The following MKLN1 variants were observed in gnomAD, a reference collection of about 807,000 sequenced individuals.
MKLN1 encodes the protein muskelin.
A neutral mutation model predicts 99.0 loss-of-function variants in MKLN1; 18 were observed. The ratio of observed to expected loss-of-function variants is 0.18; its 90% CI spans 0.13 to 0.27. The LOEUF (loss-of-function observed/expected upper bound fraction) is 0.27. MKLN1 is among the 10% of genes least tolerant of loss of function. MKLN1 has a pLI of 1.00. For missense variants in MKLN1, 621 were observed against 875.9 expected (o/e 0.71, Z 3.67); for synonymous variants, 288 against 293.2 (o/e 0.98, Z 0.18).
At chr7:131,405,437 G>A (rs1400268251) in intron 6 of MKLN1, among the ~76,000 whole-genome samples, 1 of 152,002 alleles carries the variant, frequency 6.6e-6, no homozygotes, top group Non-Finnish European at 1.5e-5. Context: ...CATCTTTTCT[G>A]TTATTTCCTG....
intron 1 of MKLN1, among the ~76,000 whole-genome samples, chr7:131,349,351 A>T (rs1799653342): frequency 6.6e-6 from 1 of 152,114 alleles, no homozygotes; most frequent in African/African-American, 2.4e-5. Context: ...GCGTGCCACC[A>T]CGCCCAGCTA....
intron 2 of MKLN1, among the ~76,000 whole-genome samples, chr7:131,386,434 C>T (rs914780580): frequency 1.3e-5 from 2 of 152,118 alleles, no homozygotes; most frequent in African/African-American, 4.8e-5. Context: ...CCTATATTAT[C>T]CAATATCGTG....
intron 10 of MKLN1, among the ~76,000 whole-genome samples, chr7:131,442,416 A>G (rs1480758626): frequency 6.6e-6 from 1 of 152,090 alleles, no homozygotes; most frequent in East Asian, 1.9e-4. Flanking sequence ...GCGTGGTGGC[A>G]TATGCTGGTA....
intron 3 of MKLN1, among the ~76,000 whole-genome samples, chr7:131,232,378 T>G (rs1460781084): frequency 6.6e-6 from 1 of 152,208 alleles, no homozygotes; most frequent in South Asian, 2.1e-4. Context: ...TTCCTTTTGA[T>G]TAGATTCTTG....
At chr7:131,251,258 G>A (rs1797574105) in intron 3 of MKLN1, among the ~76,000 whole-genome samples, 1 of 152,156 alleles carries the variant, frequency 6.6e-6, no homozygotes, top group Non-Finnish European at 1.5e-5. Context: ...TAATCATTAA[G>A]CAAGAAATCC....
intron 9 of MKLN1, among the ~76,000 whole-genome samples, chr7:131,429,828 C>A (rs1795472332): frequency 6.6e-6 from 1 of 152,222 alleles, no homozygotes; most frequent in African/African-American, 2.4e-5. Flanking sequence ...GATCCACCCG[C>A]CTCGGCCTCC....
chr7:131,428,112 C>T (rs1795411925), intron 8 of MKLN1, among the ~76,000 whole-genome samples: 1 of 151,970 alleles, frequency 6.6e-6, no homozygotes, highest in African/African-American at 2.4e-5. Context: ...CTGCAGTGAG[C>T]CATGATTGCA....
At chr7:131,372,525 A>G (rs538790509) in intron 1 of MKLN1, among the ~76,000 whole-genome samples, 14 of 152,186 alleles carry the variant, frequency 9.2e-5, no homozygotes, top group Non-Finnish European at 1.8e-4. Context: ...TTACATACAC[A>G]GTTAACTACT....
At chr7:131,221,219 G>T (rs1053099532) in intron 3 of MKLN1, among the ~76,000 whole-genome samples, 7 of 152,198 alleles carry the variant, frequency 4.6e-5, no homozygotes, top group African/African-American at 7.2e-5. Context: ...CCTGGAAAGG[G>T]CCTGCGGGGT....
At chr7:131,370,668 G>T (rs1253177422) in intron 1 of MKLN1, among the ~76,000 whole-genome samples, 1 of 152,106 alleles carries the variant, frequency 6.6e-6, no homozygotes, top group Non-Finnish European at 1.5e-5. Flanking sequence ...TCAGCAATTA[G>T]ATGGCTTCAA....
intron 3 of MKLN1, among the ~76,000 whole-genome samples, chr7:131,223,774 T>C (rs565495717): frequency 1.8e-4 from 27 of 152,060 alleles, no homozygotes; most frequent in Admixed American, 7.2e-4. Context: ...GTTGTTGTTT[T>C]TGTTTTTTTT....
At chr7:131,417,825 C>T (rs1045135634) in intron 8 of MKLN1, among the ~76,000 whole-genome samples, 2 of 152,028 alleles carry the variant, frequency 1.3e-5, no homozygotes, top group African/African-American at 2.4e-5. Flanking sequence ...AAAATATTGA[C>T]GTTAGTTACG....
chr7:131,325,467 A>C (rs1798866180), upstream of MKLN1, among the ~76,000 whole-genome samples: 1 of 152,136 alleles, frequency 6.6e-6, no homozygotes. Context: ...AGGCCGAGGC[A>C]GGAGGATCGC....
intron 1 of MKLN1, among the ~76,000 whole-genome samples, chr7:131,138,458 C>T (rs1795684430): frequency 6.6e-6 from 1 of 152,138 alleles, no homozygotes; most frequent in Non-Finnish European, 1.5e-5. Context: ...GCCTTGGTCT[C>T]TTTCATGCAT....
At chr7:131,479,215 ACT>A (rs1797051752) in intron 17 of MKLN1, among the ~76,000 whole-genome samples, 1 of 151,902 alleles carries the variant, frequency 6.6e-6, no homozygotes, top group South Asian at 2.1e-4. Flanking sequence ...ATTTAGTAAT[ACT>A]CTCTTTTAGT....
intron 1 of MKLN1, among the ~76,000 whole-genome samples, chr7:131,139,084 A>G (rs749032237): frequency 1.3e-5 from 2 of 152,050 alleles, no homozygotes; most frequent in African/African-American, 2.4e-5. Flanking sequence ...ATCACCCCCA[A>G]CCAGGCCCAG....
chr7:131,425,275 T>C (rs1207274718), intron 8 of MKLN1, among the ~76,000 whole-genome samples: 1 of 149,918 alleles, frequency 6.7e-6, no homozygotes, highest in Non-Finnish European at 1.5e-5. Flanking sequence ...TTCTTTTTAC[T>C]CTGTTTGAAA....
At chr7:131,194,572 C>T (rs1796614833) in intron 2 of MKLN1, among the ~76,000 whole-genome samples, 1 of 152,148 alleles carries the variant, frequency 6.6e-6, no homozygotes, top group Non-Finnish European at 1.5e-5. Flanking sequence ...ATACTTACGG[C>T]CAGAGAATAA....
chr7:131,413,097 CA>C (rs1166954455), intron 7 of MKLN1, among the ~76,000 whole-genome samples: 1 of 152,082 alleles, frequency 6.6e-6, no homozygotes, highest in Non-Finnish European at 1.5e-5. Context: ...TCAGACCTCT[CA>C]GGGGTGAATA....
Sources: gnomAD v4.1 joint callset for allele counts (sites outside exome capture counted in the v4.1 genomes callset) on GRCh38, gnomAD v4.1.1 for gene constraint, MANE v1.5 for transcripts, NCBI Gene and HGNC (gene_info 2026-07-23, HGNC 2026-07-21) for gene names.